Variants in KCNH8 observed in about 807,000 individuals in gnomAD.
KCNH8 encodes voltage-gated delayed rectifier potassium channel KCNH8.
In KCNH8, 70 loss-of-function variants were observed where a neutral mutation model predicts 103.6. The ratio of observed to expected loss-of-function variants is 0.68; its 90% CI spans 0.56 to 0.82. The LOEUF is 0.82. Among genes scored for constraint, KCNH8 ranks in the 40% least tolerant of loss-of-function variants. The pLI, the probability that KCNH8 is intolerant of heterozygous loss-of-function variation, is 0.00. For synonymous variants in KCNH8, 498 were observed against 489.4 expected, an observed-to-expected ratio of 1.02 and a Z score of -0.23; for missense variants, 1,217 against 1,329.9, an observed-to-expected ratio of 0.92 and a Z score of 1.32.
chr3:19,490,455 C>A (rs2068294589), intron 11 of KCNH8, among the ~76,000 whole-genome samples: 1 of 152,124 alleles, frequency 6.6e-6, no homozygotes, highest in African/African-American at 2.4e-5. Flanking sequence ...GCTGCATGCA[C>A]CTGCACGGGT....
At chr3:19,342,851 TAAAGAACAAACTGGA>T in intron 4 of KCNH8, 137 bp downstream of exon 4, 1 of 752,596 alleles carries the variant, frequency 1.3e-6, no homozygotes, top group Non-Finnish European at 2.1e-6. Flanking sequence ...TGCTTTTCTA[TAAAGAACAAACTGGA>T]AAAGGTCAGC....
chr3:19,506,838 C>T (rs2068702516), intron 11 of KCNH8, among the ~76,000 whole-genome samples: 2 of 151,812 alleles, frequency 1.3e-5, no homozygotes, highest in Admixed American at 1.3e-4. Context: ...CTGGGGGCAC[C>T]CTACCTGATA....
chr3:19,335,843 T>TATA (rs1418041941), intron 3 of KCNH8, among the ~76,000 whole-genome samples: 1 of 151,848 alleles, frequency 6.6e-6, no homozygotes, highest in Non-Finnish European at 1.5e-5. Context: ...AAAGTAATTT[T>TATA]ATAATTTTTA....
At chr3:19,400,746 T>G (rs927274589) in intron 7 of KCNH8, among the ~76,000 whole-genome samples, 1 of 151,906 alleles carries the variant, frequency 6.6e-6, no homozygotes. Context: ...TAAAACCTCA[T>G]AAATGCTGAT....
chr3:19,486,995 G>A (rs188943160), intron 11 of KCNH8, among the ~76,000 whole-genome samples: 120 of 152,278 alleles, frequency 7.9e-4, no homozygotes, highest in Non-Finnish European at 1.1e-3. Context: ...TAGGACATCC[G>A]TACTTTTTGC....
chr3:19,503,042 A>G (rs1191416452), intron 11 of KCNH8, among the ~76,000 whole-genome samples: 6 of 151,844 alleles, frequency 4.0e-5, no homozygotes, highest in Admixed American at 1.3e-4. Flanking sequence ...ACAAAGGGCT[A>G]ATATCCAGAA....
At chr3:19,196,330 A>C (rs1186219456) in intron 1 of KCNH8, among the ~76,000 whole-genome samples, 1 of 151,990 alleles carries the variant, frequency 6.6e-6, no homozygotes, top group Non-Finnish European at 1.5e-5. Flanking sequence ...AGGAGAGGAA[A>C]AGTGACATCT....
chr3:19,391,323 A>G (rs1490237830), intron 6 of KCNH8, among the ~76,000 whole-genome samples: 14 of 152,184 alleles, frequency 9.2e-5, no homozygotes, highest in Non-Finnish European at 1.0e-4. Context: ...CATTTTTATA[A>G]TTTAATGATT....
intron 3 of KCNH8, among the ~76,000 whole-genome samples, chr3:19,310,185 C>G (rs1178177772): frequency 6.6e-6 from 1 of 151,924 alleles, no homozygotes; most frequent in Non-Finnish European, 1.5e-5. Context: ...AATCAGCATA[C>G]TGATTACCAT....
chr3:19,465,492 G>A (rs925037448), intron 11 of KCNH8, among the ~76,000 whole-genome samples: 4 of 152,158 alleles, frequency 2.6e-5, no homozygotes, highest in African/African-American at 9.6e-5. Flanking sequence ...GATATGCAAG[G>A]ATATTAATGC....
At chr3:19,435,161 T>C (rs1272343638) in intron 7 of KCNH8, among the ~76,000 whole-genome samples, 1 of 152,070 alleles carries the variant, frequency 6.6e-6, no homozygotes, top group Non-Finnish European at 1.5e-5. Flanking sequence ...CATAAATATA[T>C]ACAATTTTTG....
chr3:19,375,973 T>A (rs891857772), intron 5 of KCNH8, among the ~76,000 whole-genome samples: 39 of 152,094 alleles, frequency 2.6e-4, no homozygotes, highest in African/African-American at 8.9e-4. Flanking sequence ...TCTCCAGCTG[T>A]GTGCTGGGAG....
chr3:19,221,423 A>G (rs1031911812), intron 1 of KCNH8, among the ~76,000 whole-genome samples: 2 of 152,220 alleles, frequency 1.3e-5, no homozygotes, highest in African/African-American at 2.4e-5. Flanking sequence ...TAAGAGATAC[A>G]TTCGGCAGTC....
At chr3:19,402,388 A>C (rs893102404) in intron 7 of KCNH8, among the ~76,000 whole-genome samples, 2 of 151,904 alleles carry the variant, frequency 1.3e-5, no homozygotes, top group African/African-American at 4.8e-5. Context: ...GTAAATCTAC[A>C]AAAATAGAGA....
intron 5 of KCNH8, among the ~76,000 whole-genome samples, chr3:19,351,484 A>G (rs538165840): frequency 6.2e-4 from 95 of 152,288 alleles, no homozygotes; most frequent in African/African-American, 2.3e-3. Context: ...GCAACCAGAG[A>G]GAAAGGTCGG....
intron 5 of KCNH8, among the ~76,000 whole-genome samples, chr3:19,360,257 C>A (rs150418602): frequency 6.6e-6 from 1 of 151,734 alleles, no homozygotes; most frequent in African/African-American, 2.4e-5. Context: ...TTTGCAGGAG[C>A]AAAATAATGG....
chr3:19,322,087 T>G (rs572606100), intron 3 of KCNH8, among the ~76,000 whole-genome samples: 1 of 152,106 alleles, frequency 6.6e-6, no homozygotes, highest in South Asian at 2.1e-4. Flanking sequence ...TCCTGACATA[T>G]CAGGTGAGTC....
At chr3:19,342,365 A>G (rs1443296742) in intron 3 of KCNH8, among the ~76,000 whole-genome samples, 1 of 152,110 alleles carries the variant, frequency 6.6e-6, no homozygotes, top group Non-Finnish European at 1.5e-5. Flanking sequence ...GTGTTCATGT[A>G]CGTTTTACTT....
intron 11 of KCNH8, among the ~76,000 whole-genome samples, chr3:19,498,804 G>A (rs1004442253): frequency 1.3e-5 from 2 of 152,146 alleles, no homozygotes; most frequent in African/African-American, 4.8e-5. Context: ...CTAACAGACA[G>A]GACCCTCAGC....
Sources: gnomAD v4.1 joint callset for allele counts (sites outside exome capture counted in the v4.1 genomes callset) on GRCh38, gnomAD v4.1.1 for gene constraint, MANE v1.5 for transcripts, NCBI Gene and HGNC (gene_info 2026-07-23, HGNC 2026-07-21) for gene names.